Variants in DOCK2 observed in about 807,000 individuals in gnomAD.
The protein encoded by DOCK2 is dedicator of cytokinesis 2.
A neutral mutation model predicts 248.9 loss-of-function variants in DOCK2; 87 were observed. That is an observed-to-expected ratio of 0.35 (90% CI 0.29 to 0.42). The LOEUF (loss-of-function observed/expected upper bound fraction) is 0.42. Ranked by LOEUF, DOCK2 falls within the 10% of genes least tolerant of loss-of-function variation. The pLI is 1.00. For missense variants in DOCK2, 1,747 were observed against 2,300.2 expected (o/e 0.76, Z 4.92); for synonymous variants, 805 against 821.6 (o/e 0.98, Z 0.35).
intron 29 of DOCK2, among the ~76,000 whole-genome samples, chr5:169,993,375 CTT>C (rs1778258262): frequency 6.6e-6 from 1 of 152,142 alleles, no homozygotes; most frequent in Non-Finnish European, 1.5e-5. Context: ...TGGCTCTTGC[CTT>C]TAGAAGAATG....
intron 34 of DOCK2, among the ~76,000 whole-genome samples, chr5:170,031,879 C>G (rs12716252): frequency 6.6e-6 from 1 of 151,960 alleles, no homozygotes; most frequent in Admixed American, 6.6e-5. Flanking sequence ...TCCATTGACC[C>G]GCAGCACTGG....
At chr5:169,650,185 T>C (rs750397823) in intron 1 of DOCK2, among the ~76,000 whole-genome samples, 8 of 152,220 alleles carry the variant, frequency 5.3e-5, no homozygotes, top group Non-Finnish European at 7.3e-5. Flanking sequence ...ACATACTGTG[T>C]CTACAGTAGT....
rs533779107 is a variant in DOCK2, at chr5:169,982,034, T to A, written c.2800-1034T>A. Among the ~76,000 whole-genome samples the A allele has an allele frequency of 1.4e-3, 207 of 152,116 alleles. 2 individuals are homozygous for A. The highest frequency in any genetic ancestry group is 6.8e-3 in the Middle Eastern group (2 of 294). ...TTTATTAACAAAAGAGGAACTTTTT[T>A]ATATAAAAAAGGCAGCAGTTTATGG... On this transcript the variant is annotated intron_variant, in intron 27 of 51. Transcript: ENST00000520908.
chr5:170,065,459 T>G (rs1757457526), intron 44 of DOCK2, among the ~76,000 whole-genome samples: 1 of 150,302 alleles, frequency 6.7e-6, no homozygotes, highest in East Asian at 1.9e-4. Flanking sequence ...AGGAATAGAG[T>G]GACTGAACAA....
intron 21 of DOCK2, 119 bp downstream of exon 21, chr5:169,717,603 C>A: frequency 1.1e-6 from 1 of 901,812 alleles, no homozygotes. Flanking sequence ...GCTCTCCATT[C>A]TCTAACAAAA....
intron 1 of DOCK2, among the ~76,000 whole-genome samples, chr5:169,639,528 T>G (rs1757033112): frequency 2.0e-5 from 3 of 152,242 alleles, no homozygotes; most frequent in Admixed American, 6.5e-5. Flanking sequence ...TATCTCACAC[T>G]GTATCCTTGG....
rs560865497 is a variant in DOCK2, at chr5:169,780,440, G to A, written c.2554+18815G>A. 3.3e-5 allele frequency among the ~76,000 whole-genome samples: 5 copies of A among 152,020 alleles called. No homozygotes were observed. In the South Asian group the frequency reaches 1.0e-3, roughly 32 times the overall value. On this transcript the variant is annotated intron_variant, in intron 25 of 51. Coordinates refer to ENST00000520908, the MANE Select transcript of DOCK2 (RefSeq NM_004946.3). ...TTTGGCATCCAATAAAGTACCTCTGGGCCTTGTGTGCTGGCAGCTTCTGGG... is the reference window on the plus strand; with the variant it reads ...TTTGGCATCCAATAAAGTACCTCTGAGCCTTGTGTGCTGGCAGCTTCTGGG...
intron 25 of DOCK2, among the ~76,000 whole-genome samples, chr5:169,789,355 A>G (rs261604): frequency 0.023 from 3,474 of 152,322 alleles, 158 homozygotes; most frequent in African/African-American, 0.08. Context: ...AATTATATTT[A>G]TTTGGGTCAA....
chr5:169,886,743 A>G (rs1772992520), intron 27 of DOCK2, among the ~76,000 whole-genome samples: 2 of 152,140 alleles, frequency 1.3e-5, no homozygotes, highest in Admixed American at 1.3e-4. Flanking sequence ...TGCAGAGCCT[A>G]GGTATTTATA....
rs1295678117 is a variant in DOCK2 at position 169,708,165 on chromosome 5, T to C, written c.1384-4T>C. The C allele has an allele frequency of 9.3e-6, 15 of 1,613,414 alleles. No homozygotes were observed. The highest frequency in any genetic ancestry group is 8.0e-5 in the African/African-American group (6 of 74,902). On this transcript the variant is annotated splice_polypyrimidine_tract_variant and splice_region_variant and intron_variant, in intron 14 of 51. Coordinates refer to ENST00000520908, the MANE Select transcript of DOCK2 (RefSeq NM_004946.3). ...TTTCCCTCACTTTGTTTTTCTTGGGTCAGAATGCAATTTGCGTGGGAGCAG... is the reference window on the plus strand; with the variant it reads ...TTTCCCTCACTTTGTTTTTCTTGGGCCAGAATGCAATTTGCGTGGGAGCAG...
chr5:170,054,701 C>T (rs1309820879), intron 41 of DOCK2, among the ~76,000 whole-genome samples: 2 of 152,212 alleles, frequency 1.3e-5, no homozygotes, highest in Non-Finnish European at 2.9e-5. Context: ...CAGATCCGGA[C>T]TCAGTTGGTT....
intron 39 of DOCK2, 144 bp downstream of exon 39, chr5:170,046,049 C>T: frequency 1.4e-6 from 1 of 710,470 alleles, no homozygotes; most frequent in African/African-American, 1.8e-5. Context: ...CTGAGAGAGG[C>T]TGTACTGAGC....
intron 31 of DOCK2, 34 bp from the exon 32 acceptor site, chr5:170,008,654 T>G (rs758156346): frequency 6.2e-7 from 1 of 1,614,086 alleles, no homozygotes; most frequent in Admixed American, 1.7e-5. Context: ...TCCTCTGAGA[T>G]GGTGCCTGAA....
intron 38 of DOCK2, among the ~76,000 whole-genome samples, chr5:170,042,934 G>A (rs1756570557): frequency 6.6e-6 from 1 of 152,212 alleles, no homozygotes; most frequent in Admixed American, 6.5e-5. Context: ...GAATATGTAG[G>A]CCTATGTCCT....
intron 25 of DOCK2, among the ~76,000 whole-genome samples, chr5:169,796,475 G>A (rs926520553): frequency 1.3e-5 from 2 of 152,136 alleles, no homozygotes; most frequent in African/African-American, 4.8e-5. Flanking sequence ...GATTGGTGTA[G>A]GGCTGGTCCT....
At chr5:169,857,279 TA>T (rs1290496653) in intron 27 of DOCK2, among the ~76,000 whole-genome samples, 3 of 152,228 alleles carry the variant, frequency 2.0e-5, no homozygotes, top group Non-Finnish European at 2.9e-5. Flanking sequence ...CAGTATCTGG[TA>T]AAATGTGCAG....
intron 9 of DOCK2, among the ~76,000 whole-genome samples, chr5:169,692,875 T>C (rs1296648216): frequency 6.6e-6 from 1 of 152,204 alleles, no homozygotes; most frequent in Non-Finnish European, 1.5e-5. Context: ...TGCCCTGATA[T>C]CTTCTTATAA....
intron 27 of DOCK2, among the ~76,000 whole-genome samples, chr5:169,911,261 T>C (rs919197457): frequency 2.6e-5 from 4 of 152,250 alleles, no homozygotes; most frequent in Non-Finnish European, 5.9e-5. Context: ...TAGAGTTTCA[T>C]GCCTTTCTCA....
At chr5:169,888,953 G>A (rs2113530864) in intron 27 of DOCK2, among the ~76,000 whole-genome samples, 1 of 152,252 alleles carries the variant, frequency 6.6e-6, no homozygotes, top group Middle Eastern at 3.4e-3. Context: ...TGCCGTCTCT[G>A]TACTTTGTGT....
Sources: allele counts gnomAD v4.1 joint callset (sites outside exome capture counted in the v4.1 genomes callset), GRCh38; gene constraint gnomAD v4.1.1; transcripts MANE v1.5; gene names NCBI Gene and HGNC (gene_info 2026-07-23, HGNC 2026-07-21).